The following TMEM219 variants were observed in gnomAD, a reference collection of about 807,000 sequenced individuals.
TMEM219 encodes the protein insulin-like growth factor-binding protein 3 receptor.
A neutral mutation model predicts 17.9 loss-of-function variants in TMEM219; 18 were observed. The observed-to-expected ratio is 1.01, with a 90% CI of 0.70 to 1.49. The LOEUF is 1.49. Ranked by LOEUF, TMEM219 falls within the 40% of genes most tolerant of loss-of-function variation. The pLI, the probability that TMEM219 is intolerant of heterozygous loss-of-function variation, is 0.00. For missense variants in TMEM219, 288 were observed against 292.4 expected, an observed-to-expected ratio of 0.99 and a Z score of 0.11; for synonymous variants, 113 against 124.0, an observed-to-expected ratio of 0.91 and a Z score of 0.59.
chr16:29,963,027 G>C, intron 1 of TMEM219, 80 bp from the exon 2 acceptor site: 2 of 1,258,172 alleles, frequency 1.6e-6, no homozygotes, highest in East Asian at 2.3e-5. Context: ...GCCTTGGGAA[G>C]TCCTTTGTCT....
intron 1 of TMEM219, 43 bp downstream of exon 1, chr16:29,962,175 GGGGACGAGGGCGTTGCAATCGTTC>G (rs2069153899): frequency 6.6e-6 from 1 of 152,144 alleles, no homozygotes. Flanking sequence ...GAGACCGGGA[GGGGACGAGGGCGTTGCAATCGTTC>G]GGGGCGGGGG....
At chr16:29,972,708 T>G (rs1049647672) in intron 5 of TMEM219, among the ~76,000 whole-genome samples, 3 of 152,196 alleles carry the variant, frequency 2.0e-5, no homozygotes, top group Non-Finnish European at 4.4e-5. Flanking sequence ...TGGGCCTAAA[T>G]GCCCCAACCA....
chr16:29,962,102 G>T lies in TMEM219; in HGVS notation c.-68G>T, dbSNP rs1271529898. The T allele has an allele frequency of 6.6e-6, 1 of 151,988 alleles. No homozygotes were observed. The highest frequency in any genetic ancestry group is 1.5e-5 in the Non-Finnish European group (1 of 67,966). 9.4% of individuals were successfully genotyped at this position (151,988 alleles called of 1,614,324 possible). On this transcript the variant is annotated 5_prime_UTR_variant, in exon 1 of 6. Coordinates refer to ENST00000279396, the MANE Select transcript of TMEM219 (RefSeq NM_001083613.2). ...TCGCGGCCCCGCTCGTGACGTCGCGGGGGGCGCCGGCCTCCGCCCGGCCCC... is the reference window on the plus strand; with the variant it reads ...TCGCGGCCCCGCTCGTGACGTCGCGTGGGGCGCCGGCCTCCGCCCGGCCCC...
chr16:29,965,712 T>C (rs2069204551), intron 3 of TMEM219, among the ~76,000 whole-genome samples: 2 of 152,068 alleles, frequency 1.3e-5, no homozygotes, highest in Non-Finnish European at 2.9e-5. Flanking sequence ...GTAGCTGGGA[T>C]TACAGGTGCT....
In TMEM219 at chr16:29,965,546, C is replaced by CT. The variant is rs1459293199; in HGVS notation, c.355+1958dup. Among the ~76,000 whole-genome samples the CT allele has an allele frequency of 2.3e-5, 3 of 131,558 alleles. No homozygotes were observed. The East Asian group carries it at 6.5e-4, about 29-fold the overall frequency. 86.3% of individuals were successfully genotyped at this position (131,558 alleles called of 152,430 possible). A position where few individuals can be genotyped will look rare whatever the true frequency, so the allele number is the denominator to read the frequency against. On this transcript the variant is annotated intron_variant, in intron 3 of 5. Coordinates refer to ENST00000279396, the MANE Select transcript of TMEM219 (RefSeq NM_001083613.2). ...CCAGCCTGGACAAAATGGCAAGACT[C>CT]TGTCTCTACTAAAAATACAAAAAAA...
chr16:29,964,807 C>G (rs2150861387), intron 3 of TMEM219, among the ~76,000 whole-genome samples: 1 of 152,282 alleles, frequency 6.6e-6, no homozygotes, highest in South Asian at 2.1e-4. Context: ...GGACTTTAGT[C>G]ACTTCTGTGA....
intron 5 of TMEM219, among the ~76,000 whole-genome samples, chr16:29,972,407 C>A (rs2069309333): frequency 6.6e-6 from 1 of 152,204 alleles, no homozygotes; most frequent in African/African-American, 2.4e-5. Flanking sequence ...TGGAGGGAAT[C>A]AGCTTCACAA....
chr16:29,963,104 C>T lies in TMEM219; in HGVS notation c.-37-3C>T. 1 of 1,600,920 alleles carries T rather than the reference C, an allele frequency of 6.2e-7. No homozygotes were observed. ...TGTCCCATTCTCCCTCCCTGTCTTC[C>T]AGCAGGCTCTCCCCGGAGGCTCAGC... On this transcript the variant is annotated splice_region_variant and splice_polypyrimidine_tract_variant and intron_variant, in intron 1 of 5. Coordinates refer to ENST00000279396, the MANE Select transcript of TMEM219 (RefSeq NM_001083613.2).
At chr16:29,967,451 A>C (rs1037225868) in intron 3 of TMEM219, among the ~76,000 whole-genome samples, 5 of 152,102 alleles carry the variant, frequency 3.3e-5, no homozygotes, top group Non-Finnish European at 7.3e-5. Context: ...TCTACAAAAA[A>C]ATTTTTTTAA....
chr16:29,971,334 C>T, intron 4 of TMEM219, 74 bp from the exon 5 acceptor site: 6 of 1,570,732 alleles, frequency 3.8e-6, no homozygotes, highest in Non-Finnish European at 3.5e-6. Context: ...CCCTCTCCCT[C>T]ATGGAGGCTC....
intron 4 of TMEM219, chr16:29,968,512 A>G (rs1185922523): frequency 4.9e-6 from 2 of 410,204 alleles, no homozygotes; most frequent in Non-Finnish European, 8.8e-6. Context: ...TGCCCAGCAC[A>G]TTGCCTGGGA....
chr16:29,971,311 T>A, intron 4 of TMEM219, 97 bp from the exon 5 acceptor site: 1 of 1,345,246 alleles, frequency 7.4e-7, no homozygotes, highest in Non-Finnish European at 1.0e-6. Context: ...AGTTGCTCCC[T>A]AGATGTGGAG....
chr16:29,969,114 G>T (rs1205884715), intron 4 of TMEM219, among the ~76,000 whole-genome samples: 1 of 151,982 alleles, frequency 6.6e-6, no homozygotes, highest in East Asian at 1.9e-4. Context: ...ACTTTGGAAG[G>T]CCGAAGCAAG....
At chr16:29,966,443 T>C (rs2069213620) in intron 3 of TMEM219, among the ~76,000 whole-genome samples, 1 of 152,216 alleles carries the variant, frequency 6.6e-6, no homozygotes, top group Admixed American at 6.5e-5. Flanking sequence ...TTTATGAGGT[T>C]AGGTTTATCA....
Position 29,963,250 on chromosome 16 carries a change from G to A in TMEM219, c.107G>A (p.Gly36Asp). The A allele has an allele frequency of 6.2e-7, 1 of 1,613,966 alleles. No homozygotes were observed. Reference protein sequence around the residue: ...ILLLLGLSGLGLGSFLLTHRT... With the variant: ...ILLLLGLSGLDLGSFLLTHRT... ...CTGCTCCTTGGCCTCTCTGGCCTGGGCCTTGGCAGCTTCCTCCTCACCCAC... is the reference window on the plus strand; with the variant it reads ...CTGCTCCTTGGCCTCTCTGGCCTGGACCTTGGCAGCTTCCTCCTCACCCAC... The change falls in exon 2 of 6, where the codon GGC (glycine) becomes GAC (aspartate). Residue 36 changes from glycine to aspartate, a missense_variant. Transcript: ENST00000279396.
At chr16:29,966,563 C>T (rs1439518788) in intron 3 of TMEM219, among the ~76,000 whole-genome samples, 1 of 152,090 alleles carries the variant, frequency 6.6e-6, no homozygotes, top group African/African-American at 2.4e-5. Context: ...TTCCTATAAT[C>T]CCAGCCTTTG....
At position 29,968,217 on chromosome 16, in the gene TMEM219, G is replaced by A. The variant is rs763719496; in HGVS notation, c.548G>A (p.Ser183Asn). The A allele has an allele frequency of 6.2e-7, 1 of 1,614,194 alleles. No individual in the cohort carries two copies. The highest frequency in any genetic ancestry group is 8.5e-7 in the Non-Finnish European group (1 of 1,180,044). ...GGTGAGGAATGTGTTAGTGTCTGGA[G>A]CCATGAAGGCCTTGTGCTGACCAAG... ...RMGEECVSVW[S>N]HEGLVLTKLL... Residue 183 changes from serine to asparagine, a missense_variant, in exon 4 of 6, where the codon AGC (serine) becomes AAC (asparagine). Physicochemically the swap from Ser to Asn is conservative, Grantham distance 46. Transcript: ENST00000279396.
rs993653656 is a variant in TMEM219, at chr16:29,963,254, T to C, written c.111T>C (p.Leu37=). ...TCCTTGGCCTCTCTGGCCTGGGCCT[T>C]GGCAGCTTCCTCCTCACCCACAGGA... The part of the protein sequence containing the change: ...LLLLGLSGLG[L]GSFLLTHRTG... Residue 37 remains leucine (L), a synonymous_variant, in exon 2 of 6, where the codon CTT becomes CTC. Coordinates refer to ENST00000279396, the MANE Select transcript of TMEM219 (RefSeq NM_001083613.2). 1.2e-6 allele frequency: 2 copies of C among 1,614,032 alleles called. No individual in the cohort carries two copies. Among genetic ancestry groups the C allele is most frequent in the Admixed American group, 3.3e-5 (2 of 60,012 alleles).
In TMEM219 at chr16:29,971,387, TCTCCCTGTACCC is replaced by T; in HGVS notation, c.586-14_586-3del. On this transcript the variant is annotated splice_polypyrimidine_tract_variant and intron_variant, in intron 4 of 5. Transcript: ENST00000279396. The stretch of plus-strand genomic sequence containing the variant: ...CTGGATTAACATGTCCTCCTCCTCC[TCTCCCTGTACCC>T]CTCCCTAGGAGGAGCTGGCTCTGTG... 4 of 1,613,880 alleles carry T rather than the reference TCTCCCTGTACCC, an allele frequency of 2.5e-6. No individual in the cohort carries two copies. The highest frequency in any genetic ancestry group is 3.4e-6 in the Non-Finnish European group (4 of 1,179,906).
Sources: gnomAD v4.1 joint callset for allele counts (sites outside exome capture counted in the v4.1 genomes callset) on GRCh38, gnomAD v4.1.1 for gene constraint, MANE v1.5 for transcripts, NCBI Gene and HGNC (gene_info 2026-07-23, HGNC 2026-07-21) for gene names.